The following ATP8B1 variants were observed in gnomAD, a reference collection of about 807,000 sequenced individuals.
ATP8B1 encodes the protein ATPase phospholipid transporting 8B1.
In ATP8B1, 80 loss-of-function variants were observed where a neutral mutation model predicts 149.9. That is an observed-to-expected ratio of 0.53 (90% CI 0.45 to 0.64). ATP8B1 has a LOEUF of 0.64. Among genes scored for constraint, ATP8B1 ranks in the 30% least tolerant of loss-of-function variants. The pLI is 0.00. For missense variants in ATP8B1, 1,247 were observed against 1,552.6 expected (o/e 0.80, Z 3.31); for synonymous variants, 536 against 562.8 (o/e 0.95, Z 0.67).
intron 2 of ATP8B1, among the ~76,000 whole-genome samples, chr18:57,718,124 A>AG: frequency 6.7e-6 from 1 of 150,254 alleles, no homozygotes; most frequent in South Asian, 2.1e-4. Flanking sequence ...AAAAAAAAAA[A>AG]AAGCAAAAAA....
At chr18:57,674,510 G>A (rs529853272) in intron 16 of ATP8B1, among the ~76,000 whole-genome samples, 3 of 147,614 alleles carry the variant, frequency 2.0e-5, no homozygotes, top group Non-Finnish European at 4.5e-5. Context: ...TCAGCCTCCC[G>A]AGTGGCTGGG....
intron 16 of ATP8B1, among the ~76,000 whole-genome samples, chr18:57,673,907 G>C (rs1470906313): frequency 1.3e-5 from 2 of 152,116 alleles, no homozygotes; most frequent in Non-Finnish European, 2.9e-5. Flanking sequence ...CATAAGCATA[G>C]CTTTGCTTTT....
intron 2 of ATP8B1, among the ~76,000 whole-genome samples, chr18:57,721,183 A>G (rs1335345530): frequency 7.7e-6 from 1 of 130,200 alleles, no homozygotes; most frequent in Non-Finnish European, 1.7e-5. Flanking sequence ...AAGAAACTGC[A>G]TCAACTAACG....
intron 1 of ATP8B1, among the ~76,000 whole-genome samples, chr18:57,753,015 CCAGGG>C (rs1366618537): frequency 1.3e-5 from 2 of 152,120 alleles, no homozygotes; most frequent in East Asian, 3.9e-4. Flanking sequence ...TCTCCGGCCC[CCAGGG>C]TAAGGTTCCA....
chr18:57,692,384 T>C (rs1027860058), intron 11 of ATP8B1, among the ~76,000 whole-genome samples: 2 of 150,498 alleles, frequency 1.3e-5, no homozygotes, highest in East Asian at 2.0e-4. Flanking sequence ...CCAACAAGGC[T>C]GAACTGGAAA....
chr18:57,701,152 A>C (rs1317535185), intron 5 of ATP8B1, 52 bp from the exon 6 acceptor site: 2 of 1,611,728 alleles, frequency 1.2e-6, no homozygotes, highest in South Asian at 2.2e-5. Flanking sequence ...ATAGAGAAGG[A>C]AGGCACGAGA....
chr18:57,672,922 A>ATCATG (rs1911326412), intron 16 of ATP8B1, among the ~76,000 whole-genome samples: 2 of 51,286 alleles, frequency 3.9e-5, no homozygotes, highest in African/African-American at 1.7e-4. Context: ...ATATATATAT[A>ATCATG]TATATATATA....
At chr18:57,697,059 G>C (rs773856047) in intron 8 of ATP8B1, among the ~76,000 whole-genome samples, 3 of 152,074 alleles carry the variant, frequency 2.0e-5, no homozygotes, top group Admixed American at 2.0e-4. Flanking sequence ...TCAGGAGTTC[G>C]AGACCAGCCT....
chr18:57,655,475 C>G, intron 22 of ATP8B1, 58 bp from the exon 23 acceptor site: 14 of 1,488,362 alleles, frequency 9.4e-6, no homozygotes, highest in Non-Finnish European at 1.2e-5. Context: ...GGCAAAACAT[C>G]AGTTGATAAA....
intron 6 of ATP8B1, 139 bp downstream of exon 6, chr18:57,700,900 G>A (rs887741824): frequency 1.1e-6 from 1 of 951,268 alleles, no homozygotes; most frequent in Non-Finnish European, 1.6e-6. Context: ...CTGGGCGACA[G>A]AGCGAGACTC....
At position 57,674,844 on chromosome 18, in the gene ATP8B1, C is replaced by T. The variant is rs778525348; in HGVS notation, c.1809G>A (p.Met603Ile). ...ILDFNSDRKR[M>I]SIIVRTPEGN... is the part of the protein sequence containing the mutation. The stretch of plus-strand genomic sequence containing the variant: ...CTGAGGGGGACTTACCAATGATAGA[C>T]ATTCGCTTCCGGTCACTGTTGAAGT... Residue 603 changes from methionine (M) to isoleucine (I), a missense_variant, in exon 16 of 28, where the codon ATG (methionine) becomes ATA (isoleucine). By Grantham distance (10) the Met-to-Ile change is conservative. Around this residue, in one of 3 missense-constraint regions of ATP8B1, gnomAD observed 853 missense variants for 1,035.7 expected, o/e 0.82. Coordinates refer to ENST00000648908, the MANE Select transcript of ATP8B1 (RefSeq NM_001374385.1). 1 of 1,614,126 alleles carries T rather than the reference C, an allele frequency of 6.2e-7. No individual in the cohort carries two copies.
chr18:57,767,660 G>A (rs187419936), intron 1 of ATP8B1, among the ~76,000 whole-genome samples: 693 of 152,136 alleles, frequency 4.6e-3, no homozygotes, highest in Non-Finnish European at 6.5e-3. Context: ...TTGGTGGTGC[G>A]CGCCTGTAAT....
chr18:57,764,030 A>G (rs995622121), intron 1 of ATP8B1, among the ~76,000 whole-genome samples: 1 of 152,262 alleles, frequency 6.6e-6, no homozygotes, highest in Non-Finnish European at 1.5e-5. Context: ...GCCGAAGGCC[A>G]TCGTGAACAA....
chr18:57,677,632 G>T (rs1445857511), intron 15 of ATP8B1, among the ~76,000 whole-genome samples: 1 of 152,134 alleles, frequency 6.6e-6, no homozygotes. Context: ...AATAATTAAA[G>T]ATGACACTTA....
chr18:57,661,484 A>G, intron 21 of ATP8B1, 22 bp from the exon 22 acceptor site: 8 of 1,612,042 alleles, frequency 5.0e-6, no homozygotes, highest in Non-Finnish European at 6.8e-6. Flanking sequence ...GAGAGGGAAA[A>G]GGTTACATTC....
chr18:57,653,881 T>A, intron 24 of ATP8B1, 111 bp downstream of exon 24: 1 of 996,222 alleles, frequency 1.0e-6, no homozygotes, highest in Non-Finnish European at 1.6e-6. Context: ...TATAATAGGG[T>A]TTGATCAGAA....
In ATP8B1 at chr18:57,647,535, G is replaced by A. The variant is rs1909251502; in HGVS notation, c.*953C>T. 3 of 152,430 alleles carry A rather than the reference G, an allele frequency of 2.0e-5. No homozygotes were observed. The highest frequency in any genetic ancestry group is 7.2e-5 in the African/African-American group (3 of 41,400). 9.4% of individuals were successfully genotyped at this position (152,430 alleles called of 1,614,324 possible). A position where few individuals can be genotyped will look rare whatever the true frequency, so the allele number is the denominator to read the frequency against. On this transcript the variant is annotated 3_prime_UTR_variant, in exon 28 of 28. Coordinates refer to ENST00000648908, the MANE Select transcript of ATP8B1 (RefSeq NM_001374385.1). ...TATAAATTTTAAAATCTGTTAATAAGATGGCCTATAGGGAGGAAAAAGGGG... is the reference window on the plus strand; with the variant it reads ...TATAAATTTTAAAATCTGTTAATAAAATGGCCTATAGGGAGGAAAAAGGGG...
chr18:57,693,980 G>A (rs575566356), intron 11 of ATP8B1, among the ~76,000 whole-genome samples: 10 of 152,246 alleles, frequency 6.6e-5, no homozygotes, highest in Middle Eastern at 3.4e-3. Flanking sequence ...GCTTGTGCCT[G>A]GTTTCCTTTG....
intron 1 of ATP8B1, among the ~76,000 whole-genome samples, chr18:57,754,488 A>G (rs536024521): frequency 6.6e-6 from 1 of 152,108 alleles, no homozygotes; most frequent in Non-Finnish European, 1.5e-5. Context: ...GCTGTTCCTC[A>G]GTTTATCATC....
Sources: allele counts gnomAD v4.1 joint callset (sites outside exome capture counted in the v4.1 genomes callset), GRCh38; gene constraint gnomAD v4.1.1; regional missense constraint gnomAD v4.1.1; transcripts MANE v1.5; gene names NCBI Gene and HGNC (gene_info 2026-07-23, HGNC 2026-07-21).